The following CAMTA1 variants were observed in gnomAD, a reference collection of about 807,000 sequenced individuals.
CAMTA1 encodes calmodulin binding transcription activator 1, also known as calmodulin-binding transcription activator 1.
In CAMTA1, 27 loss-of-function variants were observed where a neutral mutation model predicts 170.9. The ratio of observed to expected loss-of-function variants is 0.16; its 90% confidence interval spans 0.12 to 0.22. The LOEUF (loss-of-function observed/expected upper bound fraction) is 0.22. Among genes scored for constraint, CAMTA1 ranks in the 10% least tolerant of loss-of-function variants. CAMTA1 has a pLI of 1.00. For synonymous variants in CAMTA1, 833 were observed against 891.5 expected (o/e 0.93, Z 1.17); for missense variants, 1,619 against 2,217.2 (o/e 0.73, Z 5.42).
rs1380471030 is a variant in CAMTA1 at position 7,561,141 on chromosome 1, G to T, written c.511-79259G>T. Among the ~76,000 whole-genome samples the T allele has an allele frequency of 2.0e-5, 3 of 152,142 alleles. No individual in the cohort carries two copies. Among genetic ancestry groups the T allele is most frequent in the Non-Finnish European group, 4.4e-5 (3 of 68,018 alleles). On this transcript the variant is annotated intron_variant, in intron 6 of 22. Transcript: ENST00000303635. The surrounding 1 kb of genome is among the most constrained non-coding windows in gnomAD (Gnocchi z 5.3). ...CCCAAGAATCCAGGCATGGCCAGGGGCTGGCCGAGGGGGGCCGGTGGGTGG... is the reference window on the plus strand; with the variant it reads ...CCCAAGAATCCAGGCATGGCCAGGGTCTGGCCGAGGGGGGCCGGTGGGTGG...
At chr1:7,043,109 G>A (rs566669572) in intron 3 of CAMTA1, among the ~76,000 whole-genome samples, 2 of 152,322 alleles carry the variant, frequency 1.3e-5, no homozygotes, top group Admixed American at 6.5e-5. Flanking sequence ...CTGGCAGGAC[G>A]GGACAGGTGG....
At chr1:7,626,836 C>A (rs796813430) in intron 6 of CAMTA1, among the ~76,000 whole-genome samples, 6 of 152,294 alleles carry the variant, frequency 3.9e-5, no homozygotes, top group African/African-American at 1.4e-4. Flanking sequence ...ACTCTCTGTT[C>A]CAAGAGGAGT....
chr1:7,696,779 C>A (rs965635953), intron 11 of CAMTA1, among the ~76,000 whole-genome samples: 3 of 152,054 alleles, frequency 2.0e-5, no homozygotes, highest in Admixed American at 6.6e-5. Flanking sequence ...AGGGTTGGAC[C>A]CTGCACAGGG....
chr1:7,705,595 TCTC>T (rs1421922770), intron 11 of CAMTA1, among the ~76,000 whole-genome samples: 59 of 151,710 alleles, frequency 3.9e-4, no homozygotes, highest in Admixed American at 3.7e-3. Context: ...GCGCTCGGCT[TCTC>T]CTCAACACGG....
intron 6 of CAMTA1, among the ~76,000 whole-genome samples, chr1:7,543,977 C>T (rs912426487): frequency 6.6e-6 from 1 of 152,046 alleles, no homozygotes; most frequent in Non-Finnish European, 1.5e-5. Context: ...GCCGTATTCT[C>T]AAAATTCTTA....
At position 7,662,116 on chromosome 1, in the gene CAMTA1, C is replaced by T. The variant is rs897443984; in HGVS notation, c.805+250C>T. Among the ~76,000 whole-genome samples the T allele has an allele frequency of 3.9e-5, 6 of 152,304 alleles. No homozygotes were observed. In the East Asian group the frequency reaches 7.7e-4, roughly 20 times the overall value. On this transcript the variant is annotated intron_variant, in intron 8 of 22. Transcript: ENST00000303635. ...CAGTGTCCAGAGGGACAGCTTCCTC[C>T]GTGGGGCAAGAACTGGGGGCAGCAG...
chr1:6,891,358 T>C (rs1170120635), intron 3 of CAMTA1, among the ~76,000 whole-genome samples: 1 of 152,252 alleles, frequency 6.6e-6, no homozygotes, highest in Non-Finnish European at 1.5e-5. Flanking sequence ...ACCACTTTGC[T>C]AAGACAGAAA....
At chr1:6,871,569 TTGAA>T (rs1668416577) in intron 3 of CAMTA1, among the ~76,000 whole-genome samples, 1 of 149,818 alleles carries the variant, frequency 6.7e-6, no homozygotes, top group South Asian at 2.1e-4. Context: ...GTTTTAATGA[TTGAA>T]TGGTTAAATT....
chr1:7,718,301 C>T (rs2096626472), intron 11 of CAMTA1, among the ~76,000 whole-genome samples: 1 of 152,128 alleles, frequency 6.6e-6, no homozygotes. Flanking sequence ...GCCGGATTCT[C>T]CATAGTTCTT....
At chr1:7,163,754 C>CG (rs1438272421) in intron 4 of CAMTA1, among the ~76,000 whole-genome samples, 4 of 152,056 alleles carry the variant, frequency 2.6e-5, no homozygotes, top group Non-Finnish European at 2.9e-5. Context: ...TGATCCTCTG[C>CG]GGGACCCAAA....
chr1:7,145,605 G>C (rs549327462), intron 4 of CAMTA1, among the ~76,000 whole-genome samples: 1 of 152,286 alleles, frequency 6.6e-6, no homozygotes, highest in East Asian at 1.9e-4. Context: ...TGTCTGTGTA[G>C]GGAAGGCAAA....
intron 5 of CAMTA1, among the ~76,000 whole-genome samples, chr1:7,356,162 G>A (rs1362141953): frequency 6.6e-6 from 1 of 152,238 alleles, no homozygotes; most frequent in African/African-American, 2.4e-5. Context: ...CAGGCTTGCT[G>A]CTTTGGCTGG....
intron 9 of CAMTA1, among the ~76,000 whole-genome samples, chr1:7,667,514 G>T (rs917937625): frequency 3.9e-5 from 6 of 152,114 alleles, no homozygotes; most frequent in Non-Finnish European, 5.9e-5. Flanking sequence ...ACTTAGAGGC[G>T]CCCTGGAGCC....
At chr1:6,819,737 A>G (rs900009498) in intron 1 of CAMTA1, among the ~76,000 whole-genome samples, 7 of 152,230 alleles carry the variant, frequency 4.6e-5, no homozygotes, top group African/African-American at 1.2e-4. Flanking sequence ...TAAATTGCTG[A>G]TAAGTTCCAT....
chr1:7,492,260 A>G (rs950691418), intron 6 of CAMTA1, among the ~76,000 whole-genome samples: 1 of 152,204 alleles, frequency 6.6e-6, no homozygotes, highest in Non-Finnish European at 1.5e-5. Flanking sequence ...ACAACTTCTC[A>G]GTGAAGAGGA....
At chr1:7,746,814 T>G (rs2096860445) in intron 18 of CAMTA1, among the ~76,000 whole-genome samples, 1 of 152,298 alleles carries the variant, frequency 6.6e-6, no homozygotes, top group African/African-American at 2.4e-5. Context: ...TTCTTGTATT[T>G]TTAGTAGAGA....
intron 5 of CAMTA1, among the ~76,000 whole-genome samples, chr1:7,309,966 T>G (rs1676210808): frequency 6.6e-6 from 1 of 152,188 alleles, no homozygotes; most frequent in South Asian, 2.1e-4. Flanking sequence ...AATAATTGTC[T>G]ATTATATTTA....
chr1:6,981,355 T>C (rs1423175588), intron 3 of CAMTA1, among the ~76,000 whole-genome samples: 1 of 152,200 alleles, frequency 6.6e-6, no homozygotes, highest in Non-Finnish European at 1.5e-5. Flanking sequence ...ATTTAATCAA[T>C]TTACAGATTT....
chr1:7,750,625 T>G (rs1346214113), intron 19 of CAMTA1, among the ~76,000 whole-genome samples: 4 of 152,218 alleles, frequency 2.6e-5, no homozygotes, highest in Non-Finnish European at 5.9e-5. Context: ...GTTTCACGGC[T>G]TCACCACCGT....
Sources: gnomAD v4.1 joint callset for allele counts (sites outside exome capture counted in the v4.1 genomes callset) on GRCh38, gnomAD v4.1.1 for gene constraint, Gnocchi (gnomAD v3.1) non-coding constraint, MANE v1.5 for transcripts, NCBI Gene and HGNC (gene_info 2026-07-23, HGNC 2026-07-21) for gene names.